The following SAMD11 variants were observed in gnomAD, a reference collection of about 807,000 sequenced individuals.
SAMD11 encodes sterile alpha motif domain-containing protein 11.
SAMD11 carries 77 observed loss-of-function variants against 64.4 expected under a neutral mutation model. That is an observed-to-expected ratio of 1.20 (90% confidence interval 0.99 to 1.44). The LOEUF is 1.44. SAMD11 is among the 40% of genes most tolerant of loss of function. SAMD11 has a pLI of 0.00. For missense variants in SAMD11, 1,402 were observed against 943.3 expected (o/e 1.49, Z -6.37); for synonymous variants, 658 against 421.9 (o/e 1.56, Z -6.86).
At position 943,896 on chromosome 1, in the gene SAMD11, ATC is replaced by A. The variant is rs1178513692; in HGVS notation, c.2290-6_2290-5del. 4.3e-6 allele frequency: 7 copies of A among 1,612,812 alleles called. No homozygotes were observed. The East Asian group carries it at 6.7e-5, about 15-fold the overall frequency. On this transcript the variant is annotated splice_polypyrimidine_tract_variant and intron_variant, in intron 13 of 13. Coordinates refer to ENST00000616016, the MANE Select transcript of SAMD11 (RefSeq NM_001385641.1). ...GGTGTGCGACAGCCCCCACCAGGCC[ATC>A]TCTCTGCAGGTGGCCAGGCGCCTGG...
At position 942,499 on chromosome 1, in the gene SAMD11, G is replaced by T. The variant is rs757208910; in HGVS notation, c.1553+11G>T. 1.4e-6 allele frequency: 2 copies of T among 1,464,864 alleles called. No individual in the cohort carries two copies. Among genetic ancestry groups the T allele is most frequent in the Non-Finnish European group, 1.8e-6 (2 of 1,114,506 alleles). 90.7% of individuals were successfully genotyped at this position (1,464,864 alleles called of 1,614,324 possible). Reference sequence around the variant, plus strand: ...GCAGAACCTGGCCCGGTAGGTGCGGGGAGGCGGGCGGGGCCGCGCGGCCCG... The same window carrying T: ...GCAGAACCTGGCCCGGTAGGTGCGGTGAGGCGGGCGGGGCCGCGCGGCCCG... On this transcript the variant is annotated intron_variant, in intron 10 of 13. Coordinates refer to ENST00000616016, the MANE Select transcript of SAMD11 (RefSeq NM_001385641.1).
In SAMD11 at chr1:937,032, C is replaced by T. The variant is rs760734447; in HGVS notation, c.967+1136C>T. Among the ~76,000 whole-genome samples, 5 of 152,244 alleles carry T rather than the reference C, an allele frequency of 3.3e-5. 1 individual carries two copies. Among genetic ancestry groups the T allele is most frequent in the South Asian group, 4.1e-4 (2 of 4,828 alleles). On this transcript the variant is annotated intron_variant, in intron 5 of 13. Coordinates refer to ENST00000616016, the MANE Select transcript of SAMD11 (RefSeq NM_001385641.1). ...GCAGCTCTCACCCATGGAGTCAGGA[C>T]GTGTTCGTGCACTTCCGGGCTCACA...
rs180779437 is a variant in SAMD11, at chr1:943,384, G to A, written c.2178+7G>A. 3.3e-6 allele frequency: 5 copies of A among 1,530,470 alleles called. No homozygotes were observed. The South Asian group carries it at 5.0e-5, about 15-fold the overall frequency. The allele number at this position is 1,530,470 out of a possible 1,614,324, so 94.8% of individuals were successfully genotyped here. A position where few individuals can be genotyped will look rare whatever the true frequency, so the allele number is the denominator to read the frequency against. On this transcript the variant is annotated splice_region_variant and intron_variant, in intron 12 of 13. Transcript: ENST00000616016. ...CTGTGGAGAGTACACTCGGGTAAGG[G>A]GGGGCCCCAGTTCCTGGGGCGGGGC...
intron 4 of SAMD11, among the ~76,000 whole-genome samples, chr1:933,573 A>G (rs758461056): frequency 6.6e-6 from 1 of 152,008 alleles, no homozygotes; most frequent in African/African-American, 2.4e-5. Context: ...GGAGAACTCC[A>G]TGGCAGCTGT....
rs1239128345 is a variant in SAMD11, at chr1:944,543, C to G, written c.*390C>G. On this transcript the variant is annotated 3_prime_UTR_variant, in exon 14 of 14. Coordinates refer to ENST00000616016, the MANE Select transcript of SAMD11 (RefSeq NM_001385641.1). ...CAGCCCAGCTCTCGATACGTTTGGT[C>G]TTTCATGCTGAAAAATAAATAATAA... is the stretch of plus-strand genomic sequence containing the variant. The G allele has an allele frequency of 1.6e-6, 1 of 629,358 alleles. No homozygotes were observed. The highest frequency in any genetic ancestry group is 2.7e-6 in the Non-Finnish European group (1 of 371,692). 39.0% of individuals were successfully genotyped at this position (629,358 alleles called of 1,614,324 possible).
At chr1:938,955 G>A in intron 5 of SAMD11, 85 bp from the exon 6 acceptor site, 2 of 1,204,216 alleles carry the variant, frequency 1.7e-6, no homozygotes, top group Non-Finnish European at 2.4e-6. Context: ...GAGATGGTGG[G>A]TGCGGTCCAG....
chr1:942,342 G>T, intron 9 of SAMD11, 68 bp from the exon 10 acceptor site: 1 of 1,144,326 alleles, frequency 8.7e-7, no homozygotes, highest in Non-Finnish European at 1.2e-6. Flanking sequence ...GACCGGGTAG[G>T]GGATTGCAAA....
chr1:942,726 C>G lies in SAMD11; in HGVS notation c.1721C>G (p.Pro574Arg), dbSNP rs1018601431. ...NHGAAPLLAL[P>R]PQGPPGSGPP... Reference sequence around the variant, plus strand: ...GGCGCGGCGCCACTGCTGGCCCTGCCCCCCCAGGGGCCCCCGGGCTCCGGA... The same window carrying G: ...GGCGCGGCGCCACTGCTGGCCCTGCGCCCCCAGGGGCCCCCGGGCTCCGGA... The change falls in exon 11 of 14, where the codon CCC (proline) becomes CGC (arginine). Residue 574 changes from proline to arginine, a missense_variant. Pro to Arg is a moderately radical substitution (Grantham distance 103). Transcript: ENST00000616016. 5 of 1,464,398 alleles carry G rather than the reference C, an allele frequency of 3.4e-6. No individual in the cohort carries two copies. The highest frequency in any genetic ancestry group is 1.8e-6 in the Non-Finnish European group (2 of 1,118,846). The allele number at this position is 1,464,398 out of a possible 1,614,324, so 90.7% of individuals were successfully genotyped here. A position where few individuals can be genotyped will look rare whatever the true frequency, so the allele number is the denominator to read the frequency against.
intron 5 of SAMD11, among the ~76,000 whole-genome samples, chr1:937,315 G>A (rs895357162): frequency 4.6e-5 from 7 of 152,118 alleles, no homozygotes; most frequent in East Asian, 3.9e-4. Flanking sequence ...GCCTCTGTGA[G>A]ACCCGCTGGG....
In SAMD11 at chr1:942,833, T is replaced by A. The variant is rs1350568340; in HGVS notation, c.1828T>A (p.Ser610Thr). The A allele has an allele frequency of 6.5e-7, 1 of 1,547,242 alleles. No homozygotes were observed. The change falls in exon 11 of 14, where the codon TCC (serine) becomes ACC (threonine). Residue 610 changes from serine (S) to threonine (T), a missense_variant. Transcript: ENST00000616016. ...CCCTGCCTCAGCGCGGCCCAGCGAG[T>A]CCAAGGAGATGACGGGGGCTAGGCT... ...PGPASARPSE[S>T]KEMTGARLWA...
chr1:942,960 C>T lies in SAMD11; in HGVS notation c.1955C>T (p.Ala652Val), dbSNP rs1387015183. ...TGCAGGGGGCCCACTCCGGGCCAAGCTCCAGCTGGAGGGGCCGGCGCCGAG... is the reference window on the plus strand; with the variant it reads ...TGCAGGGGGCCCACTCCGGGCCAAGTTCCAGCTGGAGGGGCCGGCGCCGAG... Reference protein sequence around the residue: ...VGCRGPTPGQAPAGGAGAEGK... With the variant: ...VGCRGPTPGQVPAGGAGAEGK... The change falls in exon 11 of 14, where the codon GCT becomes GTT. Residue 652 changes from alanine to valine, a missense_variant. Coordinates refer to ENST00000616016, the MANE Select transcript of SAMD11 (RefSeq NM_001385641.1). 2 of 1,545,208 alleles carry T rather than the reference C, an allele frequency of 1.3e-6. No individual in the cohort carries two copies. The highest frequency in any genetic ancestry group is 1.7e-6 in the Non-Finnish European group (2 of 1,146,580).
rs775122254 is a variant in SAMD11 at position 935,785 on chromosome 1, C to T, written c.856C>T (p.Leu286Phe). The T allele has an allele frequency of 2.5e-6, 4 of 1,613,450 alleles. No homozygotes were observed. The highest frequency in any genetic ancestry group is 1.7e-4 in the Middle Eastern group (1 of 6,056). ...CTCGTTCTGCAGCCAGGACGGCAAC[C>T]TTCCCACCCTCATATCCAGCGTCCA... ...REASCSQDGN[L>F]PTLISSVHRS... Residue 286 changes from leucine to phenylalanine, a missense_variant, in exon 5 of 14, where the codon CTT (leucine) becomes TTT (phenylalanine). By Grantham distance (22) the Leu-to-Phe change is conservative. Transcript: ENST00000616016.
In SAMD11 at chr1:930,139, C is replaced by T. The variant is rs909001616; in HGVS notation, c.610-16C>T. 2.4e-5 allele frequency: 37 copies of T among 1,550,626 alleles called. No individual in the cohort carries two copies. The African/African-American group carries it at 2.7e-4, about 11-fold the overall frequency. On this transcript the variant is annotated splice_polypyrimidine_tract_variant and intron_variant, in intron 2 of 13. Coordinates refer to ENST00000616016, the MANE Select transcript of SAMD11 (RefSeq NM_001385641.1). The stretch of plus-strand genomic sequence containing the variant: ...CTCTCCTCCTGCCCCACCTTCCTCT[C>T]CTCCTGCCCCACCAGAACCGGGGGC...
At position 939,570 on chromosome 1, in the gene SAMD11, T is replaced by TCCCTGGATGACC. The variant is rs6143081; in HGVS notation, c.1195+162_1195+163insGGATGACCCCCT. On this transcript the variant is annotated intron_variant, in intron 7 of 13. Transcript: ENST00000616016. Reference sequence around the variant, plus strand: ...ACACCAAGGCCAGGCTGGATGCAGGTCCCTCTGCCACACGTCCTGCCCCAT... The same window carrying TCCCTGGATGACC: ...ACACCAAGGCCAGGCTGGATGCAGGTCCCTGGATGACCCCCTCTGCCACACGTCCTGCCCCAT... The TCCCTGGATGACC allele has an allele frequency of 5.8e-5, 78 of 1,349,332 alleles. 1 individual carries two copies. Among genetic ancestry groups the TCCCTGGATGACC allele is most frequent in the Non-Finnish European group, 7.3e-5 (73 of 1,001,192 alleles). The allele number at this position is 1,349,332 out of a possible 1,614,324, so 83.6% of individuals were successfully genotyped here.
intron 4 of SAMD11, among the ~76,000 whole-genome samples, chr1:933,853 C>T (rs1382393823): frequency 6.7e-6 from 1 of 150,236 alleles, no homozygotes; most frequent in African/African-American, 2.5e-5. Context: ...TGAAACGGAT[C>T]TGCTTAGGGG....
intron 12 of SAMD11, 149 bp downstream of exon 12, chr1:943,526 CTTTTTTTT>C (rs56972694): frequency 2.4e-3 from 1,312 of 547,914 alleles, no homozygotes; most frequent in South Asian, 5.5e-3. Context: ...TGCACCCCAC[CTTTTTTTT>C]TTTTTTTTTT....
chr1:942,874 C>G lies in SAMD11; in HGVS notation c.1869C>G (p.Gly623=). ...MTGARLWAQD[G]SEDEPPKDSD... Reference sequence around the variant, plus strand: ...GGGCTAGGCTCTGGGCACAAGATGGCTCGGAAGACGAGCCCCCCAAAGACT... The same window carrying G: ...GGGCTAGGCTCTGGGCACAAGATGGGTCGGAAGACGAGCCCCCCAAAGACT... The change falls in exon 11 of 14, where the codon GGC becomes GGG. Residue 623 remains glycine (G), a synonymous_variant. Transcript: ENST00000616016. The G allele has an allele frequency of 6.4e-7, 1 of 1,554,218 alleles. No individual in the cohort carries two copies.
rs1170069715 is a variant in SAMD11, at chr1:944,300, C to T, written c.*147C>T. ...AAAATGTGACTTCAAAGGAAAGGAA[C>T]AAATTTTCAAAGACTTGGGGGAGTG... On this transcript the variant is annotated 3_prime_UTR_variant, in exon 14 of 14. Transcript: ENST00000616016. 6.4e-6 allele frequency: 9 copies of T among 1,395,958 alleles called. No individual in the cohort carries two copies. Among genetic ancestry groups the T allele is most frequent in the Non-Finnish European group, 7.4e-6 (8 of 1,080,028 alleles). 86.5% of individuals were successfully genotyped at this position (1,395,958 alleles called of 1,614,324 possible).
intron 7 of SAMD11, 174 bp from the exon 8 acceptor site, chr1:940,970 C>T (rs188699929): frequency 1.3e-5 from 7 of 540,912 alleles, no homozygotes; most frequent in Non-Finnish European, 2.2e-5. Context: ...TCTTGTCTGC[C>T]GTCTCGGCCC....
Sources: allele counts gnomAD v4.1 joint callset (sites outside exome capture counted in the v4.1 genomes callset), GRCh38; gene constraint gnomAD v4.1.1; transcripts MANE v1.5; gene names NCBI Gene and HGNC (gene_info 2026-07-23, HGNC 2026-07-21).